The following PRPF8 variants were observed in gnomAD, a reference collection of about 807,000 sequenced individuals.
PRPF8 encodes the protein pre-mRNA-processing-splicing factor 8.
PRPF8 carries 64 observed loss-of-function variants against 285.9 expected under a neutral mutation model. That is an observed-to-expected ratio of 0.22 (90% CI 0.18 to 0.28). The LOEUF is 0.28. PRPF8 is among the 10% of genes least tolerant of loss of function. The pLI is 1.00. For synonymous variants in PRPF8, 1,325 were observed against 1,118.2 expected (o/e 1.18, Z -3.69); for missense variants, 1,426 against 3,026.7 (o/e 0.47, Z 12.41).
Position 1,682,293 on chromosome 17 carries a change from A to G in PRPF8, c.270T>C (p.Gly90=). 3.7e-6 allele frequency: 6 copies of G among 1,614,070 alleles called. No individual in the cohort carries two copies. The highest frequency in any genetic ancestry group is 5.1e-6 in the Non-Finnish European group (6 of 1,179,930). ...CTGCGTGGGGCATGTACTTTAGGGCACTGGCACATTAGAAAAAGAGAAGGC... is the reference window on the plus strand; with the variant it reads ...CTGCGTGGGGCATGTACTTTAGGGCGCTGGCACATTAGAAAAAGAGAAGGC... ...KFRHDKRVYL[G]ALKYMPHAVL... The change falls in exon 4 of 43, where the codon GGT becomes GGC. Residue 90 remains glycine, a splice_region_variant and synonymous_variant. Coordinates refer to ENST00000304992, the MANE Select transcript of PRPF8 (RefSeq NM_006445.4).
In PRPF8 at chr17:1,680,847, GA is replaced by G. The variant is rs774682426; in HGVS notation, c.993-17del. 3 of 1,613,984 alleles carry G rather than the reference GA, an allele frequency of 1.9e-6. No homozygotes were observed. Among genetic ancestry groups the G allele is most frequent in the Non-Finnish European group, 2.5e-6 (3 of 1,179,868 alleles). On this transcript the variant is annotated splice_polypyrimidine_tract_variant and intron_variant, in intron 7 of 42. Coordinates refer to ENST00000304992, the MANE Select transcript of PRPF8 (RefSeq NM_006445.4). ...AGTATGGTACCTAAAATGAAAGGAA[GA>G]GTCAGCCAAAGTTTTCCCGCCCTGG...
In PRPF8 at chr17:1,679,841, T is replaced by C. The variant is rs567577894; in HGVS notation, c.1099-42A>G. The C allele has an allele frequency of 1.1e-5, 18 of 1,598,394 alleles. No individual in the cohort carries two copies. In the African/African-American group the frequency reaches 2.0e-4, roughly 18 times the overall value. ...TCTAAGGGTTTAGCTCCTGCTGAAC[T>C]AGGCACAGACTTAAGATGAGGGAAA... On this transcript the variant is annotated intron_variant, in intron 8 of 42. Transcript: ENST00000304992. This position sits in a 1 kb window ranked among gnomAD's most constrained non-coding sequence, Gnocchi z 4.7.
rs768104347 is a variant in PRPF8, at chr17:1,659,824, G to C, written c.4946+17C>G. ...AAAGTGTCCTGGCTGCCTAGGGCTGGGTCCTGAGGCACTTACTTGGAGTCA... is the reference window on the plus strand; with the variant it reads ...AAAGTGTCCTGGCTGCCTAGGGCTGCGTCCTGAGGCACTTACTTGGAGTCA... On this transcript the variant is annotated intron_variant, in intron 31 of 42. Coordinates refer to ENST00000304992, the MANE Select transcript of PRPF8 (RefSeq NM_006445.4). This position sits in a 1 kb window ranked among gnomAD's most constrained non-coding sequence, Gnocchi z 5.1. 6.2e-7 allele frequency: 1 copy of C among 1,613,354 alleles called. No individual in the cohort carries two copies.
chr17:1,669,286 T>C (rs373622510), intron 24 of PRPF8, among the ~76,000 whole-genome samples: 65 of 152,302 alleles, frequency 4.3e-4, no homozygotes, highest in Middle Eastern at 6.8e-3. Context: ...TTTGTATTTT[T>C]AGTAGAGACG....
rs1327284856 is a variant in PRPF8 at position 1,654,296 on chromosome 17, G to A, written c.5988-280C>T. On this transcript the variant is annotated intron_variant, in intron 37 of 42. Coordinates refer to ENST00000304992, the MANE Select transcript of PRPF8 (RefSeq NM_006445.4). ...CAAAACAATGCTCTGGCATGGAACTGTTCTCAGAAATGGAAACCCCAGAAA... is the reference window on the plus strand; with the variant it reads ...CAAAACAATGCTCTGGCATGGAACTATTCTCAGAAATGGAAACCCCAGAAA... 3 of 577,652 alleles carry A rather than the reference G, an allele frequency of 5.2e-6. No individual in the cohort carries two copies. In the African/African-American group the frequency reaches 5.6e-5, roughly 11 times the overall value. The allele number at this position is 577,652 out of a possible 1,614,324, so 35.8% of individuals were successfully genotyped here.
At chr17:1,654,686 C>T (rs568195794) in intron 37 of PRPF8, 2 of 171,222 alleles carry the variant, frequency 1.2e-5, no homozygotes, top group African/African-American at 4.8e-5. Context: ...GGCTGGAGTA[C>T]AGTGGCATCA....
rs753481553 is a variant in PRPF8 at position 1,682,197 on chromosome 17, G to A, written c.366C>T (p.Ile122=). ...CATTGACGAAGGAAATGGCTCCAGT[G>A]ATGTGGTACAGCACAGGCACATCCC... is the stretch of plus-strand genomic sequence containing the variant. ...QIRDVPVLYH[I]TGAISFVNEI... Residue 122 remains isoleucine, a synonymous_variant, in exon 4 of 43, where the codon ATC becomes ATT. Coordinates refer to ENST00000304992, the MANE Select transcript of PRPF8 (RefSeq NM_006445.4). The A allele has an allele frequency of 1.2e-5, 19 of 1,614,122 alleles. No homozygotes were observed. In the South Asian group the frequency reaches 1.9e-4, roughly 16 times the overall value.
chr17:1,673,274 T>A lies in PRPF8; in HGVS notation c.3658-77A>T, dbSNP rs1912425413. 1.9e-6 allele frequency: 3 copies of A among 1,605,456 alleles called. No individual in the cohort carries two copies. The highest frequency in any genetic ancestry group is 3.3e-5 in the Admixed American group (2 of 59,934). Reference sequence around the variant, plus strand: ...GAGCCAACTGTGCCCACCACTCAAGTCTTTCCACCCAACAAGACTCCGGTG... The same window carrying A: ...GAGCCAACTGTGCCCACCACTCAAGACTTTCCACCCAACAAGACTCCGGTG... On this transcript the variant is annotated intron_variant, in intron 23 of 42. Coordinates refer to ENST00000304992, the MANE Select transcript of PRPF8 (RefSeq NM_006445.4). The surrounding 1 kb of genome is among the most constrained non-coding windows in gnomAD (Gnocchi z 5.5).
At chr17:1,664,910 C>A (rs1333782727) in intron 24 of PRPF8, among the ~76,000 whole-genome samples, 1 of 152,002 alleles carries the variant, frequency 6.6e-6, no homozygotes, top group African/African-American at 2.4e-5. Context: ...GTAAGCCCAG[C>A]ACTTTGGGAA....
chr17:1,680,514 G>A (rs946240689), intron 8 of PRPF8: 7 of 625,378 alleles, frequency 1.1e-5, no homozygotes, highest in South Asian at 3.8e-5. Flanking sequence ...GAAAAGAACC[G>A]TAAAGTCCAA....
chr17:1,679,553 A>G lies in PRPF8; in HGVS notation c.1289+56T>C. On this transcript the variant is annotated intron_variant, in intron 9 of 42. Transcript: ENST00000304992. This position sits in a 1 kb window ranked among gnomAD's most constrained non-coding sequence, Gnocchi z 4.7. ...AAAGGCTACATGCCCACCTAGTTGGAGTCTTTTCTCCTACACATCCACTAT... is the reference window on the plus strand; with the variant it reads ...AAAGGCTACATGCCCACCTAGTTGGGGTCTTTTCTCCTACACATCCACTAT... 6.2e-7 allele frequency: 1 copy of G among 1,604,154 alleles called. No homozygotes were observed. The highest frequency in any genetic ancestry group is 8.5e-7 in the Non-Finnish European group (1 of 1,176,576).
intron 24 of PRPF8, among the ~76,000 whole-genome samples, chr17:1,664,570 G>C (rs8078639): frequency 6.6e-6 from 1 of 151,840 alleles, no homozygotes; most frequent in African/African-American, 2.4e-5. Context: ...TCTTTGGAAG[G>C]CTGAGGCAGG....
rs1484533490 is a variant in PRPF8, at chr17:1,679,038, A to G, written c.1578T>C (p.Pro526=). ...GCACCTTGGTGGTGAGCGTTTTCACAGGCTTGAGGTTGAAGTTGTAGTCCA... is the reference window on the plus strand; with the variant it reads ...GCACCTTGGTGGTGAGCGTTTTCACGGGCTTGAGGTTGAAGTTGTAGTCCA... ...LHLDYNFNLK[P]VKTLTTKERK... The change falls in exon 11 of 43, where the codon CCT becomes CCC. Residue 526 remains proline, a synonymous_variant. Coordinates refer to ENST00000304992, the MANE Select transcript of PRPF8 (RefSeq NM_006445.4). The surrounding 1 kb of genome is among the most constrained non-coding windows in gnomAD (Gnocchi z 4.7). 9 of 1,614,142 alleles carry G rather than the reference A, an allele frequency of 5.6e-6. No individual in the cohort carries two copies. The highest frequency in any genetic ancestry group is 1.6e-4 in the Middle Eastern group (1 of 6,062).
At chr17:1,678,473 G>A (rs1264573971) in intron 13 of PRPF8, 45 bp downstream of exon 13, 1 of 1,611,104 alleles carries the variant, frequency 6.2e-7, no homozygotes. Flanking sequence ...ACAAGAGTAA[G>A]ACTCTGTCTC....
rs1912590626 is a variant in PRPF8, at chr17:1,676,109, GA to G, written c.2553-56del. On this transcript the variant is annotated intron_variant, in intron 17 of 42. Transcript: ENST00000304992. The surrounding 1 kb of genome is among the most constrained non-coding windows in gnomAD (Gnocchi z 6.3). ...GAAAACTAGGAGGAAGTAAAACCAG[GA>G]AAGACTGGGGCTACACCTTCTTTCT... 2 of 1,612,136 alleles carry G rather than the reference GA, an allele frequency of 1.2e-6. No individual in the cohort carries two copies. The highest frequency in any genetic ancestry group is 8.5e-7 in the Non-Finnish European group (1 of 1,179,930).
Position 1,673,068 on chromosome 17 carries a change from G to C in PRPF8, c.3774+13C>G. On this transcript the variant is annotated intron_variant, in intron 24 of 42. Coordinates refer to ENST00000304992, the MANE Select transcript of PRPF8 (RefSeq NM_006445.4). This position sits in a 1 kb window ranked among gnomAD's most constrained non-coding sequence, Gnocchi z 5.5. ...AGAGGACAAGAGGGAAGCTGGGCAT[G>C]ACGGCCCTGTACCTTGGTGAAGGTG... The C allele has an allele frequency of 6.2e-7, 1 of 1,612,302 alleles. No homozygotes were observed.
chr17:1,674,043 T>C, intron 21 of PRPF8, 151 bp from the exon 22 acceptor site: 1 of 968,314 alleles, frequency 1.0e-6, no homozygotes, highest in African/African-American at 1.6e-5. Context: ...ATTTATTTTT[T>C]GAGACAGTCT....
intron 30 of PRPF8, 39 bp downstream of exon 30, chr17:1,660,393 G>C (rs754650488): frequency 1.2e-6 from 2 of 1,612,838 alleles, no homozygotes; most frequent in Admixed American, 1.7e-5. Flanking sequence ...CACCTGAGCT[G>C]ACTCTCTACA....
Position 1,676,805 on chromosome 17 carries a change from G to T in PRPF8, c.2182-94C>A. ...GCTACTCAGGAGGCTAAGGAGGATC[G>T]CTTGAGCTCAGGAGCTTGAGGCCAG... On this transcript the variant is annotated intron_variant, in intron 15 of 42. Transcript: ENST00000304992. The surrounding 1 kb of genome is among the most constrained non-coding windows in gnomAD (Gnocchi z 6.3). The T allele has an allele frequency of 6.6e-7, 1 of 1,508,178 alleles. No individual in the cohort carries two copies. Among genetic ancestry groups the T allele is most frequent in the Non-Finnish European group, 9.2e-7 (1 of 1,092,682 alleles). 93.4% of individuals were successfully genotyped at this position (1,508,178 alleles called of 1,614,324 possible). A position where few individuals can be genotyped will look rare whatever the true frequency, so the allele number is the denominator to read the frequency against.
Sources: gnomAD v4.1 joint callset for allele counts (sites outside exome capture counted in the v4.1 genomes callset) on GRCh38, gnomAD v4.1.1 for gene constraint, Gnocchi (gnomAD v3.1) non-coding constraint, MANE v1.5 for transcripts, NCBI Gene and HGNC (gene_info 2026-07-23, HGNC 2026-07-21) for gene names.